The following DAP3 variants were observed in gnomAD, a reference collection of about 807,000 sequenced individuals.
The protein encoded by DAP3 is death associated protein 3.
In DAP3, 28 loss-of-function variants were observed where a neutral mutation model predicts 51.9. That is an observed-to-expected ratio of 0.54 (90% CI 0.40 to 0.74). DAP3 has a LOEUF of 0.74. Ranked by LOEUF, DAP3 falls within the 30% of genes least tolerant of loss-of-function variation. The pLI, the probability that DAP3 is intolerant of heterozygous loss-of-function variation, is 0.00. For missense variants in DAP3, 458 were observed against 483.5 expected (o/e 0.95, Z 0.49); for synonymous variants, 170 against 170.3 (o/e 1.00, Z 0.01).
chr1:155,731,299 G>A (rs1218291115), intron 9 of DAP3, 57 bp from the exon 10 acceptor site: 7 of 1,542,866 alleles, frequency 4.5e-6, no homozygotes, highest in African/African-American at 1.4e-5. Flanking sequence ...ATTGTTTCGG[G>A]AGAACATCTA....
At chr1:155,730,206 A>ATATGTATATATAATATTCATATATGTATT in intron 9 of DAP3, among the ~76,000 whole-genome samples, 1 of 148,380 alleles carries the variant, frequency 6.7e-6, no homozygotes, top group African/African-American at 2.4e-5. Context: ...ATATATGTAT[A>ATATGTATATATAATATTCATATATGTATT]TATGTATATA....
At chr1:155,736,212 G>A (rs964219945) in intron 11 of DAP3, among the ~76,000 whole-genome samples, 3 of 151,912 alleles carry the variant, frequency 2.0e-5, no homozygotes, top group East Asian at 1.9e-4. Context: ...GGCTGATCTC[G>A]AACTCCTGAC....
chr1:155,726,080 C>G lies in DAP3; in HGVS notation c.472+61C>G, dbSNP rs554245804. 20 of 1,338,784 alleles carry G rather than the reference C, an allele frequency of 1.5e-5. No individual in the cohort carries two copies. In the East Asian group the frequency reaches 4.5e-4, roughly 30 times the overall value. The allele number at this position is 1,338,784 out of a possible 1,614,324, so 82.9% of individuals were successfully genotyped here. A position where few individuals can be genotyped will look rare whatever the true frequency, so the allele number is the denominator to read the frequency against. On this transcript the variant is annotated intron_variant, in intron 6 of 12. Coordinates refer to ENST00000368336, the MANE Select transcript of DAP3 (RefSeq NM_004632.4). ...TTTAGTTATCCTGTTACTGTGGTAG[C>G]CTTGCAGCTTTAATTTTCTTTTCTT...
chr1:155,712,663 C>T lies in DAP3; in HGVS notation c.45+2839C>T, dbSNP rs1292387976. Among the ~76,000 whole-genome samples, 21 of 146,878 alleles carry T rather than the reference C, an allele frequency of 1.4e-4. No homozygotes were observed. In the Middle Eastern group the frequency reaches 0.01, roughly 72 times the overall value. Reference sequence around the variant, plus strand: ...TTCCATTTTGCTAGCTTTTAATTTGCTTCAAAAAGTACCTGTAGTTTCAGC... The same window carrying T: ...TTCCATTTTGCTAGCTTTTAATTTGTTTCAAAAAGTACCTGTAGTTTCAGC... On this transcript the variant is annotated intron_variant, in intron 2 of 12. Coordinates refer to ENST00000368336, the MANE Select transcript of DAP3 (RefSeq NM_004632.4).
In DAP3 at chr1:155,724,906, A is replaced by T. The variant is rs1466782194; in HGVS notation, c.271-476A>T. On this transcript the variant is annotated intron_variant, in intron 4 of 12. Coordinates refer to ENST00000368336, the MANE Select transcript of DAP3 (RefSeq NM_004632.4). ...GAGGCAGAGGTTGTGGTGAGCCGAGATCGTGCCATTGCACTCCAGCCTGGG... is the reference window on the plus strand; with the variant it reads ...GAGGCAGAGGTTGTGGTGAGCCGAGTTCGTGCCATTGCACTCCAGCCTGGG... 1.2e-4 allele frequency among the ~76,000 whole-genome samples: 18 copies of T among 151,942 alleles called. No homozygotes were observed. In the East Asian group the frequency reaches 3.3e-3, roughly 28 times the overall value.
Position 155,738,406 on chromosome 1 carries a change from C to T in DAP3, c.*164C>T, listed in dbSNP as rs1036654780. On this transcript the variant is annotated 3_prime_UTR_variant, in exon 13 of 13. Transcript: ENST00000368336. ...TGGACCTGCATTAAAATGGGTTTCA[C>T]TGTGAATGCGTGACAATAAGATATT... is the stretch of plus-strand genomic sequence containing the variant. The T allele has an allele frequency of 4.2e-5, 24 of 567,054 alleles. 2 individuals carry two copies. The highest frequency in any genetic ancestry group is 9.5e-4 in the Middle Eastern group (2 of 2,114). 35.1% of individuals were successfully genotyped at this position (567,054 alleles called of 1,614,324 possible).
At chr1:155,709,462 A>G (rs750400536) in intron 1 of DAP3, among the ~76,000 whole-genome samples, 29 of 151,916 alleles carry the variant, frequency 1.9e-4, no homozygotes, top group Admixed American at 7.9e-4. Flanking sequence ...GTCCCGCCTG[A>G]CTTTTTTATT....
chr1:155,738,303 A>G lies in DAP3; in HGVS notation c.*61A>G. On this transcript the variant is annotated 3_prime_UTR_variant, in exon 13 of 13. Coordinates refer to ENST00000368336, the MANE Select transcript of DAP3 (RefSeq NM_004632.4). ...TCTGCTTTATGCTGGACCCAGTAAG[A>G]TGAGGAAGTCGGGCAGTACACAGGA... The G allele has an allele frequency of 6.3e-7, 1 of 1,588,892 alleles. No homozygotes were observed. Among genetic ancestry groups the G allele is most frequent in the Non-Finnish European group, 8.6e-7 (1 of 1,160,770 alleles).
At chr1:155,701,505 A>C (rs1270610377) in intron 1 of DAP3, among the ~76,000 whole-genome samples, 2 of 109,966 alleles carry the variant, frequency 1.8e-5, no homozygotes, top group Admixed American at 9.6e-5. Flanking sequence ...GTCATCACCA[A>C]TCCCTAATCT....
chr1:155,717,249 G>A, intron 3 of DAP3, 121 bp downstream of exon 3: 1 of 1,461,368 alleles, frequency 6.8e-7, no homozygotes, highest in South Asian at 1.4e-5. Flanking sequence ...CTCAGATAGT[G>A]CACCTGAGAT....
chr1:155,695,030 C>T (rs969602137), intron 1 of DAP3, among the ~76,000 whole-genome samples: 1 of 152,144 alleles, frequency 6.6e-6, no homozygotes, highest in African/African-American at 2.4e-5. Flanking sequence ...CAATCGCTTG[C>T]CTTTGAGAAT....
chr1:155,721,328 A>G lies in DAP3; in HGVS notation c.169-189A>G, dbSNP rs61317108. On this transcript the variant is annotated intron_variant, in intron 3 of 12. Coordinates refer to ENST00000368336, the MANE Select transcript of DAP3 (RefSeq NM_004632.4). ...GCCTGGGTGACAAAAGTAAAACTCC[A>G]TTTTAAAAATAATATATATATATGT... is the stretch of plus-strand genomic sequence containing the variant. 5.6e-3 allele frequency among the ~76,000 whole-genome samples: 842 copies of G among 151,034 alleles called. 6 individuals carry two copies. The highest frequency in any genetic ancestry group is 0.019 in the African/African-American group (795 of 41,276).
At chr1:155,730,171 G>A (rs899563247) in intron 9 of DAP3, among the ~76,000 whole-genome samples, 2 of 125,854 alleles carry the variant, frequency 1.6e-5, no homozygotes, top group African/African-American at 4.8e-5. Flanking sequence ...ATACCTATAT[G>A]TTCATATATG....
At chr1:155,725,538 C>G (rs1224541879) in intron 5 of DAP3, 48 bp downstream of exon 5, 1 of 1,522,912 alleles carries the variant, frequency 6.6e-7, no homozygotes, top group South Asian at 1.1e-5. Context: ...TGCTTTCTCC[C>G]CTCAAATAAG....
chr1:155,731,861 G>GAA (rs144369278), intron 10 of DAP3, 83 bp from the exon 11 acceptor site: 29 of 1,331,276 alleles, frequency 2.2e-5, no homozygotes, highest in African/African-American at 2.0e-4. Context: ...GCCCAAGAAA[G>GAA]AAAAAAAAAA....
chr1:155,698,955 G>A (rs889918388), intron 1 of DAP3, among the ~76,000 whole-genome samples: 5 of 151,920 alleles, frequency 3.3e-5, no homozygotes, highest in Admixed American at 6.6e-5. Context: ...GGATTCTTTC[G>A]GGCCTCATGT....
At position 155,721,629 on chromosome 1, in the gene DAP3, CAG is replaced by C. The variant is rs1309632559; in HGVS notation, c.270+12_270+13del. 2 of 1,613,524 alleles carry C rather than the reference CAG, an allele frequency of 1.2e-6. No individual in the cohort carries two copies. Among genetic ancestry groups the C allele is most frequent in the Non-Finnish European group, 1.7e-6 (2 of 1,179,714 alleles). ...CGCTTTGTGATGCAGGTGCTCAAGA[CAG>C]GGAATGGAATTGGAGGGAGCCCAGA... On this transcript the variant is annotated intron_variant, in intron 4 of 12. Transcript: ENST00000368336.
At chr1:155,736,400 C>T (rs888385702) in intron 11 of DAP3, among the ~76,000 whole-genome samples, 4 of 152,036 alleles carry the variant, frequency 2.6e-5, no homozygotes, top group Admixed American at 6.6e-5. Context: ...AAGTAGCATC[C>T]GCCTCCTCAA....
upstream of DAP3, chr1:155,688,597 C>CT: frequency 6.5e-7 from 1 of 1,536,054 alleles, no homozygotes; most frequent in Non-Finnish European, 8.7e-7. Flanking sequence ...ACCTCCTCGC[C>CT]CAGTTCTCCA....
Sources: gnomAD v4.1 joint callset for allele counts (sites outside exome capture counted in the v4.1 genomes callset) on GRCh38, gnomAD v4.1.1 for gene constraint, MANE v1.5 for transcripts, NCBI Gene and HGNC (gene_info 2026-07-23, HGNC 2026-07-21) for gene names.